SMURF1: variants seen among roughly 807,000 people sequenced by gnomAD.
SMURF1 encodes E3 ubiquitin-protein ligase SMURF1.
A neutral mutation model predicts 98.0 loss-of-function variants in SMURF1; 44 were observed. The observed-to-expected ratio is 0.45, with a 90% CI of 0.35 to 0.58. SMURF1 has a LOEUF of 0.58. Among genes scored for constraint, SMURF1 ranks in the 20% least tolerant of loss-of-function variants. SMURF1 has a pLI of 0.00. For synonymous variants in SMURF1, 396 were observed against 374.9 expected (o/e 1.06, Z -0.65); for missense variants, 687 against 938.4 (o/e 0.73, Z 3.50).
intron 1 of SMURF1, 132 bp downstream of exon 1, chr7:99,143,594 C>T: frequency 1.4e-6 from 1 of 693,524 alleles, no homozygotes; most frequent in African/African-American, 2.1e-5. Flanking sequence ...GAGGGGCGCA[C>T]GCCGAAGGGG....
intron 3 of SMURF1, among the ~76,000 whole-genome samples, chr7:99,058,083 G>A (rs1460684502): frequency 8.6e-5 from 13 of 152,000 alleles, no homozygotes; most frequent in Admixed American, 7.9e-4. Flanking sequence ...ATAACCACAC[G>A]ATGATAATAA....
intron 1 of SMURF1, among the ~76,000 whole-genome samples, chr7:99,087,219 T>A (rs974400111): frequency 2.7e-5 from 4 of 148,816 alleles, no homozygotes; most frequent in African/African-American, 1.0e-4. Flanking sequence ...AAAAAAAAAA[T>A]TTTAATTTTA....
intron 1 of SMURF1, among the ~76,000 whole-genome samples, chr7:99,086,727 A>G (rs1796689076): frequency 6.6e-6 from 1 of 152,276 alleles, no homozygotes; most frequent in Non-Finnish European, 1.5e-5. Flanking sequence ...AATATTATTC[A>G]GCCATGAAAA....
At chr7:99,037,004 TTAAA>T in intron 15 of SMURF1, 59 bp downstream of exon 15, 1 of 1,610,468 alleles carries the variant, frequency 6.2e-7, no homozygotes, top group Non-Finnish European at 8.5e-7. Flanking sequence ...CAGCAAGGAT[TTAAA>T]ACAGGCAGAC....
rs547275837 is a variant in SMURF1, at chr7:99,049,872, T to C, written c.807-163A>G. The C allele has an allele frequency of 5.2e-6, 3 of 579,214 alleles. No homozygotes were observed. In the East Asian group the frequency reaches 9.0e-5, roughly 17 times the overall value. The allele number at this position is 579,214 out of a possible 1,614,324, so 35.9% of individuals were successfully genotyped here. ...CTACTTACGCCAAACCTCTACTCAG[T>C]CCAGGCCTCTCTGCTGCAAACAGCA... On this transcript the variant is annotated intron_variant, in intron 8 of 17. Coordinates refer to ENST00000361368, the MANE Select transcript of SMURF1 (RefSeq NM_181349.3).
intron 1 of SMURF1, among the ~76,000 whole-genome samples, chr7:99,111,442 T>C (rs911868979): frequency 6.6e-6 from 1 of 152,248 alleles, no homozygotes; most frequent in Admixed American, 6.5e-5. Flanking sequence ...AATTTCAATT[T>C]AAATTAATTT....
chr7:99,134,652 C>T (rs1797947204), intron 1 of SMURF1, among the ~76,000 whole-genome samples: 1 of 152,108 alleles, frequency 6.6e-6, no homozygotes, highest in Admixed American at 6.5e-5. Flanking sequence ...ATGGCAAACA[C>T]ATTGACTATA....
chr7:99,101,431 T>G (rs1019160822), intron 1 of SMURF1, among the ~76,000 whole-genome samples: 1 of 152,208 alleles, frequency 6.6e-6, no homozygotes, highest in Admixed American at 6.5e-5. Flanking sequence ...TCTACTAATT[T>G]TAAAACTGAG....
chr7:99,035,878 A>C (rs1344848986), intron 15 of SMURF1, 162 bp from the exon 16 acceptor site: 1 of 699,886 alleles, frequency 1.4e-6, no homozygotes, highest in Non-Finnish European at 2.4e-6. Flanking sequence ...TACAAACAGG[A>C]GGCCTGTGGC....
intron 17 of SMURF1, 65 bp from the exon 18 acceptor site, chr7:99,030,748 A>G: frequency 4.0e-6 from 5 of 1,235,186 alleles, no homozygotes; most frequent in Non-Finnish European, 5.9e-6. Flanking sequence ...CTCAAGGCCA[A>G]GGACAGGCAG....
chr7:99,094,816 A>G (rs1156708125), intron 1 of SMURF1, among the ~76,000 whole-genome samples: 2 of 152,236 alleles, frequency 1.3e-5, no homozygotes, highest in African/African-American at 4.8e-5. Context: ...TTTCATGACT[A>G]AAAGTTTCAT....
At chr7:99,142,243 CAAG>C (rs954639132) in intron 1 of SMURF1, among the ~76,000 whole-genome samples, 1 of 152,174 alleles carries the variant, frequency 6.6e-6, no homozygotes, top group Non-Finnish European at 1.5e-5. Flanking sequence ...CAAAATGAAT[CAAG>C]GAGCCTGCGT....
chr7:99,067,932 C>T (rs1350048794), intron 1 of SMURF1, among the ~76,000 whole-genome samples: 5 of 152,036 alleles, frequency 3.3e-5, no homozygotes, highest in Non-Finnish European at 5.9e-5. Flanking sequence ...CCAGCCTGGG[C>T]GACAGAACGA....
intron 1 of SMURF1, among the ~76,000 whole-genome samples, chr7:99,066,963 C>T (rs1056605248): frequency 6.6e-6 from 1 of 150,636 alleles, no homozygotes; most frequent in Admixed American, 6.6e-5. Context: ...ATTCATTAGA[C>T]AGCATAAAAT....
At chr7:99,126,009 G>A (rs1797736235) in intron 1 of SMURF1, among the ~76,000 whole-genome samples, 1 of 152,138 alleles carries the variant, frequency 6.6e-6, no homozygotes. Context: ...AGCCCACCCA[G>A]ATCTTTCTAG....
intron 1 of SMURF1, among the ~76,000 whole-genome samples, chr7:99,072,097 TAAG>T (rs1255614141): frequency 2.7e-5 from 4 of 146,832 alleles, no homozygotes; most frequent in East Asian, 4.0e-4. Context: ...AATAAATAAA[TAAG>T]AAGAAGAAAG....
chr7:99,037,102 G>A lies in SMURF1; in HGVS notation c.1774C>T (p.His592Tyr), dbSNP rs1795176186. The change falls in exon 15 of 18, where the codon CAT becomes TAT. Residue 592 changes from histidine to tyrosine, a missense_variant. Physicochemically the swap from His to Tyr is moderately conservative, Grantham distance 83. This residue lies in a region of SMURF1 where 272 missense variants were observed against 430.0 expected (regional missense o/e 0.63). Coordinates refer to ENST00000361368, the MANE Select transcript of SMURF1 (RefSeq NM_181349.3). ...TTCTGGTCAAAAGGCTTCAGCAGAT[G>A]TTGAGGGATGAGCTCATTGAACCCC... ...QKGFNELIPQHLLKPFDQKEL... is the reference protein window; with the variant it reads ...QKGFNELIPQYLLKPFDQKEL... The A allele has an allele frequency of 1.9e-6, 3 of 1,614,000 alleles. No homozygotes were observed. The highest frequency in any genetic ancestry group is 1.3e-5 in the African/African-American group (1 of 74,928).
At position 99,057,194 on chromosome 7, in the gene SMURF1, A is replaced by G. The variant is rs935588964; in HGVS notation, c.403+11T>C. Reference sequence around the variant, plus strand: ...AAAAGCATCTCTTTACACAGACAAGAAAGTTCTTACCCACTATCTGGCCAC... The same window carrying G: ...AAAAGCATCTCTTTACACAGACAAGGAAGTTCTTACCCACTATCTGGCCAC... On this transcript the variant is annotated intron_variant, in intron 5 of 17. Coordinates refer to ENST00000361368, the MANE Select transcript of SMURF1 (RefSeq NM_181349.3). The G allele has an allele frequency of 6.2e-6, 10 of 1,613,600 alleles. No homozygotes were observed. Among genetic ancestry groups the G allele is most frequent in the Middle Eastern group, 1.6e-4 (1 of 6,078 alleles).
chr7:99,087,644 G>A (rs1212117102), intron 1 of SMURF1, among the ~76,000 whole-genome samples: 2 of 152,188 alleles, frequency 1.3e-5, no homozygotes, highest in Non-Finnish European at 2.9e-5. Context: ...AAATGCATCA[G>A]CAAGAAAAGC....
Sources: gnomAD v4.1 joint callset for allele counts (sites outside exome capture counted in the v4.1 genomes callset) on GRCh38, gnomAD v4.1.1 for gene constraint, gnomAD v4.1.1 regional missense constraint, MANE v1.5 for transcripts, NCBI Gene and HGNC (gene_info 2026-07-23, HGNC 2026-07-21) for gene names.